MCTP1: variants seen among roughly 807,000 people sequenced by gnomAD.
MCTP1 encodes the protein multiple C2 and transmembrane domain containing 1, also known as multiple C2 and transmembrane domain-containing protein 1.
Under a neutral mutation model 120.6 loss-of-function variants are expected in MCTP1, and 69 were observed. That is an observed-to-expected ratio of 0.57 (90% CI 0.47 to 0.70). The LOEUF is 0.70. Ranked by LOEUF, MCTP1 falls within the 30% of genes least tolerant of loss-of-function variation. The pLI is 0.00. For synonymous variants in MCTP1, 529 were observed against 493.1 expected, an observed-to-expected ratio of 1.07 and a Z score of -0.96; for missense variants, 1,203 against 1,248.8, an observed-to-expected ratio of 0.96 and a Z score of 0.55.
At chr5:94,840,015 C>T (rs758174116) in intron 17 of MCTP1, among the ~76,000 whole-genome samples, 4 of 152,150 alleles carry the variant, frequency 2.6e-5, no homozygotes, top group Non-Finnish European at 2.9e-5. Flanking sequence ...TGATCTAGAG[C>T]AATGACCTCA....
chr5:94,947,938 T>C (rs529195859), intron 3 of MCTP1, among the ~76,000 whole-genome samples: 294 of 152,060 alleles, frequency 1.9e-3, no homozygotes, highest in Middle Eastern at 6.8e-3. Flanking sequence ...ATATTAGAGC[T>C]TCTTTAAAGG....
At chr5:94,947,361 G>A (rs1819210962) in intron 3 of MCTP1, among the ~76,000 whole-genome samples, 3 of 151,590 alleles carry the variant, frequency 2.0e-5, no homozygotes, top group Non-Finnish European at 2.9e-5. Flanking sequence ...ATGACAGGGA[G>A]TATCTAATTG....
chr5:95,211,999 C>T (rs1752437277), intron 1 of MCTP1, among the ~76,000 whole-genome samples: 1 of 151,934 alleles, frequency 6.6e-6, no homozygotes, highest in Non-Finnish European at 1.5e-5. Context: ...TAGCAGAAGG[C>T]AAGAAATAAC....
rs1310059073 is a variant in MCTP1, at chr5:94,909,312, C to T, written c.1591G>A (p.Gly531Arg). 1 of 1,608,834 alleles carries T rather than the reference C, an allele frequency of 6.2e-7. No individual in the cohort carries two copies. Residue 531 changes from glycine to arginine, a missense_variant, in exon 10 of 23, where the codon GGA becomes AGA. Transcript: ENST00000515393. ...TCCCATGCAGTGATATCAATGACTC[C>T]TCCTCTTTCTTCATAAAGGTGAAAA... ...FDFHLYEERGGVIDITAWDKD... is the reference protein window; with the variant it reads ...FDFHLYEERGRVIDITAWDKD...
chr5:94,986,810 C>G (rs956236075), intron 2 of MCTP1, among the ~76,000 whole-genome samples: 3 of 152,084 alleles, frequency 2.0e-5, no homozygotes, highest in Non-Finnish European at 4.4e-5. Context: ...CGCGTCGGGC[C>G]TAGGTCCATT....
At chr5:94,780,556 C>T (rs77152144) in intron 18 of MCTP1, among the ~76,000 whole-genome samples, 2 of 152,086 alleles carry the variant, frequency 1.3e-5, no homozygotes, top group Admixed American at 6.6e-5. Flanking sequence ...ATTTTGAGGT[C>T]TTTCATTTGG....
chr5:95,134,662 A>T (rs1759300729), intron 1 of MCTP1, among the ~76,000 whole-genome samples: 1 of 152,184 alleles, frequency 6.6e-6, no homozygotes, highest in African/African-American at 2.4e-5. Flanking sequence ...AAGCAGCAAG[A>T]GAAACAGAGC....
At chr5:95,184,942 G>C (rs1381830945) in intron 1 of MCTP1, among the ~76,000 whole-genome samples, 1 of 152,022 alleles carries the variant, frequency 6.6e-6, no homozygotes, top group Non-Finnish European at 1.5e-5. Flanking sequence ...ACTTCCCAAG[G>C]CCCTATCTGC....
intron 19 of MCTP1, among the ~76,000 whole-genome samples, chr5:94,766,810 AAAG>A (rs1174291944): frequency 1.2e-4 from 18 of 152,210 alleles, no homozygotes; most frequent in Admixed American, 1.2e-3. Flanking sequence ...GTCTCCAAAC[AAAG>A]AAGACCCCAA....
intron 2 of MCTP1, among the ~76,000 whole-genome samples, chr5:94,959,271 C>A (rs1009717044): frequency 1.3e-5 from 2 of 152,086 alleles, no homozygotes; most frequent in African/African-American, 2.4e-5. Context: ...GAATGTATCT[C>A]AAAATAATAA....
At chr5:95,055,058 G>A (rs1325796113) in intron 1 of MCTP1, among the ~76,000 whole-genome samples, 1 of 152,142 alleles carries the variant, frequency 6.6e-6, no homozygotes, top group Non-Finnish European at 1.5e-5. Context: ...GTGATCACCT[G>A]CCTCAGCGGC....
chr5:94,950,676 A>G (rs558704267), intron 3 of MCTP1, among the ~76,000 whole-genome samples: 1 of 152,126 alleles, frequency 6.6e-6, no homozygotes, highest in African/African-American at 2.4e-5. Flanking sequence ...AATTTTGGCC[A>G]GGCGCGGTGG....
intron 17 of MCTP1, among the ~76,000 whole-genome samples, chr5:94,845,371 C>T (rs746534825): frequency 3.0e-4 from 46 of 152,080 alleles, no homozygotes; most frequent in African/African-American, 9.7e-4. Context: ...TTCACTATCA[C>T]GAGGACACCA....
intron 1 of MCTP1, among the ~76,000 whole-genome samples, chr5:95,276,251 ATTTTTTTT>A (rs34667866): frequency 9.1e-4 from 77 of 84,780 alleles, no homozygotes; most frequent in African/African-American, 2.3e-3. Context: ...CAATATTGGG[ATTTTTTTT>A]TTTTTTTTTT....
intron 12 of MCTP1, among the ~76,000 whole-genome samples, chr5:94,874,264 G>A (rs1038656551): frequency 6.6e-6 from 1 of 152,048 alleles, no homozygotes; most frequent in African/African-American, 2.4e-5. Flanking sequence ...TGTAGTCACA[G>A]TAGTTTACAC....
At chr5:94,832,814 C>T (rs190259298) in intron 17 of MCTP1, among the ~76,000 whole-genome samples, 1 of 152,268 alleles carries the variant, frequency 6.6e-6, no homozygotes, top group African/African-American at 2.4e-5. Context: ...CATTGGGAGC[C>T]TAAGGGCATA....
intron 1 of MCTP1, among the ~76,000 whole-genome samples, chr5:95,214,213 C>T (rs1752763037): frequency 6.6e-6 from 1 of 152,378 alleles, no homozygotes. Flanking sequence ...AGGATATGAA[C>T]AGACACTTCT....
At chr5:95,157,921 G>A (rs530154623) in intron 1 of MCTP1, among the ~76,000 whole-genome samples, 30 of 152,054 alleles carry the variant, frequency 2.0e-4, no homozygotes, top group African/African-American at 6.8e-4. Flanking sequence ...AGCATGGCCC[G>A]CAAAGCCTAA....
chr5:94,766,295 T>G (rs1156301109), intron 19 of MCTP1, among the ~76,000 whole-genome samples: 1 of 152,148 alleles, frequency 6.6e-6, no homozygotes, highest in Non-Finnish European at 1.5e-5. Context: ...AATGATAGAC[T>G]GGATTAAGAA....
Sources: allele counts gnomAD v4.1 joint callset (sites outside exome capture counted in the v4.1 genomes callset), GRCh38; gene constraint gnomAD v4.1.1; transcripts MANE v1.5; gene names NCBI Gene and HGNC (gene_info 2026-07-23, HGNC 2026-07-21).